COL24A1: variants seen among roughly 807,000 people sequenced by gnomAD.
COL24A1 encodes the protein collagen type XXIV alpha 1 chain.
Under a neutral mutation model 253.9 loss-of-function variants are expected in COL24A1, and 224 were observed. That is an observed-to-expected ratio of 0.88 (90% CI 0.79 to 0.99). The LOEUF (loss-of-function observed/expected upper bound fraction) is 0.99. Among genes scored for constraint, COL24A1 ranks in the 50% least tolerant of loss-of-function variants. The pLI is 0.00. For missense variants in COL24A1, 2,131 were observed against 2,068.5 expected, an observed-to-expected ratio of 1.03 and a Z score of -0.59; for synonymous variants, 685 against 673.7, an observed-to-expected ratio of 1.02 and a Z score of -0.26.
chr1:85,783,418 C>G, intron 51 of COL24A1, 78 bp downstream of exon 51: 1 of 1,131,336 alleles, frequency 8.8e-7, no homozygotes, highest in Admixed American at 2.0e-5. Context: ...ACTTGAAGTA[C>G]ATTACATTTA....
intron 31 of COL24A1, 25 bp from the exon 32 acceptor site, chr1:85,889,638 T>C (rs757215322): frequency 6.2e-6 from 10 of 1,605,396 alleles, no homozygotes; most frequent in African/African-American, 5.4e-5. Flanking sequence ...GCAATACTTG[T>C]AGGAAAAGTG....
chr1:85,764,369 C>G (rs1667139511), intron 53 of COL24A1, among the ~76,000 whole-genome samples: 1 of 151,692 alleles, frequency 6.6e-6, no homozygotes, highest in African/African-American at 2.4e-5. Flanking sequence ...CACCACAAGT[C>G]ATAGGGCGTG....
At position 85,786,401 on chromosome 1, in the gene COL24A1, T is replaced by C. The variant is rs148449102; in HGVS notation, c.4012A>G (p.Lys1338Glu). The part of the protein sequence containing the change: ...LAGAPGPPGV[K>E]GSSGLPGSPG... Reference sequence around the variant, plus strand: ...CTTCCTGGCAAGCCTGATGAACCCTTTACTCCTGGAGGACCTGGAGCCCCA... The same window carrying C: ...CTTCCTGGCAAGCCTGATGAACCCTCTACTCCTGGAGGACCTGGAGCCCCA... The change falls in exon 48 of 60, where the codon AAG becomes GAG. Residue 1338 changes from lysine (K) to glutamate (E), a missense_variant. By Grantham distance (56) the Lys-to-Glu change is moderately conservative. Transcript: ENST00000370571. 1.9e-6 allele frequency: 3 copies of C among 1,613,878 alleles called. No homozygotes were observed. In the African/African-American group the frequency reaches 4.0e-5, roughly 22 times the overall value.
chr1:85,773,430 GA>G (rs1668188427), intron 53 of COL24A1, among the ~76,000 whole-genome samples: 1 of 152,110 alleles, frequency 6.6e-6, no homozygotes, highest in Non-Finnish European at 1.5e-5. Context: ...GCTTGATGGG[GA>G]TAGCATTGAA....
At chr1:85,829,540 C>T (rs1218723461) in intron 43 of COL24A1, among the ~76,000 whole-genome samples, 5 of 151,998 alleles carry the variant, frequency 3.3e-5, no homozygotes, top group African/African-American at 1.2e-4. Flanking sequence ...TTCCATTCTC[C>T]CCGTCACTTT....
chr1:85,763,687 G>A (rs900781145), intron 53 of COL24A1, among the ~76,000 whole-genome samples: 3 of 151,566 alleles, frequency 2.0e-5, no homozygotes, highest in Non-Finnish European at 4.4e-5. Context: ...TAGACATGGG[G>A]TTTCATCATG....
intron 37 of COL24A1, among the ~76,000 whole-genome samples, chr1:85,857,359 T>C (rs1467442942): frequency 6.7e-6 from 1 of 150,264 alleles, no homozygotes; most frequent in Non-Finnish European, 1.5e-5. Flanking sequence ...CAGGTTTCCT[T>C]GGCTAGTACT....
At chr1:85,940,210 C>G (rs1199397736) in intron 24 of COL24A1, among the ~76,000 whole-genome samples, 1 of 18,808 alleles carries the variant, frequency 5.3e-5, no homozygotes, top group Non-Finnish European at 1.4e-4. Context: ...CGAGACCATC[C>G]TGGCTAACAC....
chr1:85,994,001 T>C (rs1694538633), intron 19 of COL24A1, among the ~76,000 whole-genome samples: 1 of 152,028 alleles, frequency 6.6e-6, no homozygotes, highest in African/African-American at 2.4e-5. Flanking sequence ...CTTTAAGATG[T>C]CCTGTTGTTA....
intron 58 of COL24A1, 25 bp downstream of exon 58, chr1:85,737,371 T>C (rs751364984): frequency 6.9e-7 from 1 of 1,447,992 alleles, no homozygotes; most frequent in Non-Finnish European, 9.6e-7. Flanking sequence ...TATAACGACA[T>C]GTGTTCTAAA....
chr1:86,072,808 G>C (rs546597195), intron 7 of COL24A1, among the ~76,000 whole-genome samples: 325 of 152,304 alleles, frequency 2.1e-3, no homozygotes, highest in African/African-American at 7.5e-3. Flanking sequence ...AATCTTTGCT[G>C]TTCTGCAGCC....
intron 31 of COL24A1, among the ~76,000 whole-genome samples, chr1:85,891,587 C>T (rs780772568): frequency 4.6e-5 from 7 of 152,144 alleles, no homozygotes; most frequent in Non-Finnish European, 8.8e-5. Context: ...AAATTATGGA[C>T]TCCCATCTGG....
At position 85,838,692 on chromosome 1, in the gene COL24A1, C is replaced by T. The variant is rs371609748; in HGVS notation, c.3628-54G>A. ...TTTTACAGCTGGATCAAAGTATATGCGAATGCAGGTGATAAGATTAGTGTT... is the reference window on the plus strand; with the variant it reads ...TTTTACAGCTGGATCAAAGTATATGTGAATGCAGGTGATAAGATTAGTGTT... On this transcript the variant is annotated intron_variant, in intron 42 of 59. Coordinates refer to ENST00000370571, the MANE Select transcript of COL24A1 (RefSeq NM_152890.7). 166 of 1,494,684 alleles carry T rather than the reference C, an allele frequency of 1.1e-4. No individual in the cohort carries two copies. In the African/African-American group the frequency reaches 1.7e-3, roughly 16 times the overall value. The allele number at this position is 1,494,684 out of a possible 1,614,324, so 92.6% of individuals were successfully genotyped here.
In COL24A1 at chr1:86,125,951, T is replaced by G; in HGVS notation, c.385A>C (p.Asn129His). 1 of 1,613,554 alleles carries G rather than the reference T, an allele frequency of 6.2e-7. No homozygotes were observed. Among genetic ancestry groups the G allele is most frequent in the Non-Finnish European group, 8.5e-7 (1 of 1,179,772 alleles). ...AATTGTACTCCTAATTGCAGTCTAT[T>G]TTTATTTCTAATGCTGAAGAGAAAT... The part of the protein sequence containing the change: ...NAFLFSIRNK[N>H]RLQLGVQLLP... The change falls in exon 3 of 60, where the codon AAT becomes CAT. Residue 129 changes from asparagine to histidine, a missense_variant. Coordinates refer to ENST00000370571, the MANE Select transcript of COL24A1 (RefSeq NM_152890.7).
chr1:85,864,493 T>G (rs1047288762), intron 37 of COL24A1, among the ~76,000 whole-genome samples: 1 of 152,118 alleles, frequency 6.6e-6, no homozygotes. Context: ...TATACATATG[T>G]AACAAACCTG....
At chr1:85,780,448 A>C (rs775629561) in intron 52 of COL24A1, among the ~76,000 whole-genome samples, 1 of 152,086 alleles carries the variant, frequency 6.6e-6, no homozygotes, top group Non-Finnish European at 1.5e-5. Context: ...CACTTGACCA[A>C]TCATTGTCTC....
chr1:85,769,802 G>A (rs2101267731), intron 53 of COL24A1, among the ~76,000 whole-genome samples: 1 of 152,162 alleles, frequency 6.6e-6, no homozygotes, highest in East Asian at 1.9e-4. Flanking sequence ...TAGCATGACT[G>A]GTACCACTAC....
chr1:85,771,825 T>C (rs1667998952), intron 53 of COL24A1, among the ~76,000 whole-genome samples: 1 of 148,860 alleles, frequency 6.7e-6, no homozygotes, highest in African/African-American at 2.5e-5. Context: ...ATACTTTAAG[T>C]TTTAGGGTAC....
chr1:85,776,131 T>A (rs1486476965), intron 52 of COL24A1, among the ~76,000 whole-genome samples: 1 of 152,178 alleles, frequency 6.6e-6, no homozygotes, highest in African/African-American at 2.4e-5. Context: ...AATTTTAATA[T>A]GTTGTATATG....
Sources: gnomAD v4.1 joint callset for allele counts (sites outside exome capture counted in the v4.1 genomes callset) on GRCh38, gnomAD v4.1.1 for gene constraint, MANE v1.5 for transcripts, NCBI Gene and HGNC (gene_info 2026-07-23, HGNC 2026-07-21) for gene names.